GGT1: variants seen among roughly 807,000 people sequenced by gnomAD.
GGT1 encodes the protein glutathione hydrolase 1 proenzyme.
In GGT1, 21 loss-of-function variants were observed where a neutral mutation model predicts 56.0. That is an observed-to-expected ratio of 0.38 (90% CI 0.27 to 0.54). The LOEUF (loss-of-function observed/expected upper bound fraction) is 0.54. Among genes scored for constraint, GGT1 ranks in the 20% least tolerant of loss-of-function variants. GGT1 has a pLI of 0.82. For missense variants in GGT1, 466 were observed against 787.0 expected (o/e 0.59, Z 4.88); for synonymous variants, 238 against 342.6 (o/e 0.69, Z 3.37).
At chr22:24,597,736 C>G (rs2045719844) in intron 1 of GGT1, among the ~76,000 whole-genome samples, 1 of 152,152 alleles carries the variant, frequency 6.6e-6, no homozygotes, top group Non-Finnish European at 1.5e-5. Context: ...TCTGTTCTCA[C>G]AAGACAATAA....
chr22:24,599,021 C>G (rs530915200), upstream of GGT1, among the ~76,000 whole-genome samples: 1 of 152,378 alleles, frequency 6.6e-6, no homozygotes, highest in South Asian at 2.1e-4. Flanking sequence ...CCCACCTCGT[C>G]CTCCCATAGT....
intron 5 of GGT1, among the ~76,000 whole-genome samples, chr22:24,612,244 CTTTT>C (rs796939700): frequency 0.041 from 3,090 of 75,366 alleles, 110 homozygotes; most frequent in African/African-American, 0.12. Flanking sequence ...CCGGCTTATT[CTTTT>C]TTTTTTTTTT....
Position 24,611,117 on chromosome 22 carries a change from C to G in GGT1, c.36C>G (p.Ala12=). 1.2e-6 allele frequency: 2 copies of G among 1,602,454 alleles called. No homozygotes were observed. Among genetic ancestry groups the G allele is most frequent in the Non-Finnish European group, 1.7e-6 (2 of 1,174,500 alleles). ...AGTTAGTGGTGCTGGGCCTGCTGGC[C>G]GTGGTCCTGGTGCTGGTCATTGTCG... The part of the protein sequence containing the change: ...KKKLVVLGLL[A]VVLVLVIVGL... Residue 12 remains alanine (A), a synonymous_variant, in exon 5 of 16, where the codon GCC becomes GCG. Coordinates refer to ENST00000400382, the MANE Select transcript of GGT1 (RefSeq NM_001288833.2).
upstream of GGT1, among the ~76,000 whole-genome samples, chr22:24,602,556 G>A (rs1394309614): frequency 6.6e-6 from 1 of 152,232 alleles, no homozygotes; most frequent in Non-Finnish European, 1.5e-5. Context: ...CAGAGCAGGT[G>A]AGGGCATGAG....
intron 5 of GGT1, among the ~76,000 whole-genome samples, chr22:24,612,177 T>G (rs200771720): frequency 1.3e-5 from 2 of 151,380 alleles, no homozygotes; most frequent in East Asian, 3.9e-4. Context: ...TGACCTCAGG[T>G]AATCCACCCA....
At chr22:24,616,073 C>T (rs2047040860) in intron 7 of GGT1, 2 of 151,042 alleles carry the variant, frequency 1.3e-5, no homozygotes, top group African/African-American at 2.4e-5. Context: ...ATGATTGTAC[C>T]ACTACACTCT....
Position 24,620,016 on chromosome 22 carries a change from T to TA in GGT1, c.383-303dup, listed in dbSNP as rs368336533. ...AAAAAAAAAATTAAACATCCCCTCCTAAAAAAAAACAATTAAAATTAAAAA... is the reference window on the plus strand; with the variant it reads ...AAAAAAAAAATTAAACATCCCCTCCTAAAAAAAAAACAATTAAAATTAAAAA... On this transcript the variant is annotated intron_variant, in intron 7 of 15. Coordinates refer to ENST00000400382, the MANE Select transcript of GGT1 (RefSeq NM_001288833.2). This position sits in a 1 kb window ranked among gnomAD's most constrained non-coding sequence, Gnocchi z 5.6. Among the ~76,000 whole-genome samples, 2,637 of 129,074 alleles carry TA rather than the reference T, an allele frequency of 0.02. 64 individuals carry two copies. Among genetic ancestry groups the TA allele is most frequent in the African/African-American group, 0.071 (2,411 of 34,088 alleles). 84.7% of individuals were successfully genotyped at this position (129,074 alleles called of 152,430 possible).
At chr22:24,606,047 A>C (rs1189895031) in intron 1 of GGT1, among the ~76,000 whole-genome samples, 1 of 87,390 alleles carries the variant, frequency 1.1e-5, no homozygotes, top group African/African-American at 6.4e-5. Flanking sequence ...ATAATATATC[A>C]TATATTATAT....
At chr22:24,605,061 T>A (rs9620401) in intron 1 of GGT1, among the ~76,000 whole-genome samples, 9 of 80,880 alleles carry the variant, frequency 1.1e-4, no homozygotes, top group African/African-American at 1.5e-4. Flanking sequence ...TTATATATTA[T>A]ATGTAATATA....
upstream of GGT1, among the ~76,000 whole-genome samples, chr22:24,600,870 G>A (rs1601614489): frequency 6.6e-6 from 1 of 152,198 alleles, no homozygotes; most frequent in Non-Finnish European, 1.5e-5. Context: ...GCAAATTGGC[G>A]CTTAATGTTG....
chr22:24,606,521 G>C (rs1486866278), intron 1 of GGT1, among the ~76,000 whole-genome samples: 2 of 152,220 alleles, frequency 1.3e-5, no homozygotes, highest in Non-Finnish European at 2.9e-5. Flanking sequence ...CAAATCCCCT[G>C]ATGTTCCTGT....
At chr22:24,589,511 C>A in the GGT1 span, 1 of 489,452 alleles carries the variant, frequency 2.0e-6, no homozygotes, top group Non-Finnish European at 3.0e-6. Flanking sequence ...CGCAGGGTCC[C>A]CATATGACTT....
chr22:24,607,954 C>A lies in GGT1; in HGVS notation c.-428C>A, dbSNP rs751207323. On this transcript the variant is annotated splice_region_variant and 5_prime_UTR_variant, in exon 2 of 16. Coordinates refer to ENST00000400382, the MANE Select transcript of GGT1 (RefSeq NM_001288833.2). ...GACAAGTCTGTCTCTTCCTCCCCAG[C>A]GGGTGCAGCCCAGAACTGTCTTCTG... 13 of 467,860 alleles carry A rather than the reference C, an allele frequency of 2.8e-5. 1 individual carries two copies. Among genetic ancestry groups the A allele is most frequent in the Admixed American group, 9.4e-5 (4 of 42,392 alleles). The allele number at this position is 467,860 out of a possible 1,614,324, so 29.0% of individuals were successfully genotyped here. A position where few individuals can be genotyped will look rare whatever the true frequency, so the allele number is the denominator to read the frequency against.
At chr22:24,605,979 A>T (rs1253356000) in intron 1 of GGT1, among the ~76,000 whole-genome samples, 1 of 65,000 alleles carries the variant, frequency 1.5e-5, no homozygotes. Flanking sequence ...ATAATATATC[A>T]TATATTATAT....
chr22:24,622,049 A>AAG (rs2047448409), intron 9 of GGT1, among the ~76,000 whole-genome samples: 1 of 151,342 alleles, frequency 6.6e-6, no homozygotes, highest in Admixed American at 6.6e-5. Context: ...CAAAAAAAAA[A>AAG]AAAGAAAGAA....
chr22:24,619,524 G>A (rs1468026358), intron 7 of GGT1, among the ~76,000 whole-genome samples: 2 of 152,028 alleles, frequency 1.3e-5, no homozygotes. Context: ...AGCCATGATT[G>A]CACCACTGCA....
Position 24,624,306 on chromosome 22 carries a change from C to T in GGT1, c.1020+390C>T, listed in dbSNP as rs971417502. ...CACTCCCTGTCACTCCAAACTAACG[C>T]TTCCCAGATGCCACCCTCAGCCCTG... is the stretch of plus-strand genomic sequence containing the variant. On this transcript the variant is annotated intron_variant, in intron 11 of 15. Coordinates refer to ENST00000400382, the MANE Select transcript of GGT1 (RefSeq NM_001288833.2). The T allele has an allele frequency of 6.1e-6, 6 of 983,946 alleles. No homozygotes were observed. The African/African-American group carries it at 8.8e-5, about 14-fold the overall frequency. The allele number at this position is 983,946 out of a possible 1,614,324, so 61.0% of individuals were successfully genotyped here. A position where few individuals can be genotyped will look rare whatever the true frequency, so the allele number is the denominator to read the frequency against.
At chr22:24,592,808 G>A, upstream of GGT1, 5 of 1,250,426 alleles carry the variant, frequency 4.0e-6, no homozygotes, top group South Asian at 9.3e-5. Flanking sequence ...CAGACCCCCA[G>A]ACCCCCAGAC....
chr22:24,594,117 C>T (rs2045647219), upstream of GGT1, among the ~76,000 whole-genome samples: 1 of 152,130 alleles, frequency 6.6e-6, no homozygotes, highest in Admixed American at 6.6e-5. Flanking sequence ...GAGGTACGGA[C>T]CCACCCAGCT....
Sources: gnomAD v4.1 joint callset for allele counts (sites outside exome capture counted in the v4.1 genomes callset) on GRCh38, gnomAD v4.1.1 for gene constraint, Gnocchi (gnomAD v3.1) non-coding constraint, MANE v1.5 for transcripts, NCBI Gene and HGNC (gene_info 2026-07-23, HGNC 2026-07-21) for gene names.